DLG2: variants seen among roughly 807,000 people sequenced by gnomAD.
DLG2 encodes discs large MAGUK scaffold protein 2.
Under a neutral mutation model 132.5 loss-of-function variants are expected in DLG2, and 45 were observed. That is an observed-to-expected ratio of 0.34 (90% confidence interval 0.27 to 0.44). The LOEUF (loss-of-function observed/expected upper bound fraction) is 0.44. Among genes scored for constraint, DLG2 ranks in the 20% least tolerant of loss-of-function variants. The probability of loss-of-function intolerance (pLI) is 1.00; values close to 1 mark genes in which losing one functional copy is unlikely to be tolerated. For synonymous variants in DLG2, 424 were observed against 419.6 expected, an observed-to-expected ratio of 1.01 and a Z score of -0.13; for missense variants, 1,045 against 1,196.9, an observed-to-expected ratio of 0.87 and a Z score of 1.87.
At chr11:83,784,792 C>T (rs973775822) in intron 18 of DLG2, among the ~76,000 whole-genome samples, 8 of 152,112 alleles carry the variant, frequency 5.3e-5, no homozygotes, top group East Asian at 1.9e-4. Flanking sequence ...TGATCACTAT[C>T]GAGAGCTTCT....
At chr11:83,509,684 T>A (rs1336025760) in intron 21 of DLG2, among the ~76,000 whole-genome samples, 4 of 152,126 alleles carry the variant, frequency 2.6e-5, no homozygotes, top group Non-Finnish European at 4.4e-5. Context: ...TTGTAAGTAA[T>A]GGGTTATAGA....
chr11:84,143,817 G>A (rs922486080), intron 9 of DLG2, among the ~76,000 whole-genome samples: 7 of 152,114 alleles, frequency 4.6e-5, no homozygotes, highest in African/African-American at 1.7e-4. Context: ...GAGAAGCAGG[G>A]TTGAACTCAG....
intron 7 of DLG2, among the ~76,000 whole-genome samples, chr11:84,506,563 C>T (rs933656608): frequency 6.6e-6 from 1 of 152,114 alleles, no homozygotes; most frequent in Non-Finnish European, 1.5e-5. Flanking sequence ...GGCAAGGAAA[C>T]TGATTCTTCC....
At chr11:84,887,375 A>G (rs1769563258) in intron 6 of DLG2, 1 of 152,132 alleles carries the variant, frequency 6.6e-6, no homozygotes, top group African/African-American at 2.4e-5. Context: ...GCATGTATAG[A>G]TATTGGGAAG....
chr11:85,340,765 G>A (rs1392842068), intron 3 of DLG2, among the ~76,000 whole-genome samples: 1 of 152,104 alleles, frequency 6.6e-6, no homozygotes, highest in African/African-American at 2.4e-5. Flanking sequence ...TCATGCAATT[G>A]GTAGTCAAAT....
chr11:84,110,084 G>C (rs1234408561), intron 9 of DLG2, among the ~76,000 whole-genome samples: 2 of 152,060 alleles, frequency 1.3e-5, no homozygotes, highest in African/African-American at 2.4e-5. Context: ...TCTCATGCAA[G>C]GATGTGCTCA....
In DLG2 at chr11:84,538,119, G is replaced by A. The variant is rs1366213592; in HGVS notation, c.358-3388C>T. Among the ~76,000 whole-genome samples, 5 of 152,276 alleles carry A rather than the reference G, an allele frequency of 3.3e-5. No homozygotes were observed. The South Asian group carries it at 6.2e-4, about 19-fold the overall frequency. ...GTGCACAGATAAGCTACCATACCTC[G>A]TGATAAACTCAGTTCTGTGGGAGCA... On this transcript the variant is annotated intron_variant, in intron 6 of 27. Coordinates refer to ENST00000376104, the MANE Select transcript of DLG2 (RefSeq NM_001142699.3).
intron 6 of DLG2, among the ~76,000 whole-genome samples, chr11:84,723,081 T>C (rs1241678081): frequency 6.6e-6 from 1 of 152,232 alleles, no homozygotes; most frequent in Non-Finnish European, 1.5e-5. Context: ...ACAGAGCATC[T>C]ATAATTACGG....
chr11:85,018,361 G>T (rs1362105474), intron 6 of DLG2, among the ~76,000 whole-genome samples: 1 of 152,060 alleles, frequency 6.6e-6, no homozygotes, highest in Non-Finnish European at 1.5e-5. Flanking sequence ...ACCTGGAAGG[G>T]GGAAAAAACC....
chr11:84,136,745 T>C (rs554629987), intron 9 of DLG2, among the ~76,000 whole-genome samples: 2 of 152,294 alleles, frequency 1.3e-5, no homozygotes, highest in South Asian at 4.1e-4. Context: ...TCTGGAGAGC[T>C]CTACGTGGCA....
rs909734693 is a variant in DLG2 at position 85,408,893 on chromosome 11, G to A, written c.41-123528C>T. ...TGTCTTTATAGCAGCATGATTTATA[G>A]TCCTTTGGGTATATACCCAGTAATG... On this transcript the variant is annotated intron_variant, in intron 3 of 27. Transcript: ENST00000376104. Among the ~76,000 whole-genome samples, 6 of 151,672 alleles carry A rather than the reference G, an allele frequency of 4.0e-5. No individual in the cohort carries two copies. The East Asian group carries it at 7.8e-4, about 20-fold the overall frequency.
intron 7 of DLG2, among the ~76,000 whole-genome samples, chr11:84,510,104 T>C (rs1195389348): frequency 1.3e-5 from 2 of 149,880 alleles, no homozygotes; most frequent in African/African-American, 4.9e-5. Flanking sequence ...CTTATTATTA[T>C]TATTATTATT....
intron 18 of DLG2, among the ~76,000 whole-genome samples, chr11:83,768,274 T>A (rs1165679575): frequency 6.6e-6 from 1 of 152,234 alleles, no homozygotes; most frequent in African/African-American, 2.4e-5. Context: ...GAGCCAAATA[T>A]CTTGCTCCTT....
chr11:84,006,726 T>C (rs1042395018), intron 11 of DLG2, among the ~76,000 whole-genome samples: 6 of 151,674 alleles, frequency 4.0e-5, no homozygotes, highest in African/African-American at 1.4e-4. Context: ...CTTTTTATAA[T>C]AAAGCATCAT....
intron 21 of DLG2, among the ~76,000 whole-genome samples, chr11:83,505,956 A>G (rs1282781331): frequency 1.3e-5 from 2 of 152,174 alleles, no homozygotes; most frequent in Non-Finnish European, 1.5e-5. Flanking sequence ...AGTGGAGACC[A>G]TGGACATTTG....
At chr11:83,835,748 C>G (rs2055972738) in intron 16 of DLG2, among the ~76,000 whole-genome samples, 1 of 152,172 alleles carries the variant, frequency 6.6e-6, no homozygotes, top group Non-Finnish European at 1.5e-5. Flanking sequence ...CCTACCTATG[C>G]TGAAGTCAAG....
At chr11:84,374,731 C>A (rs2098722264) in intron 7 of DLG2, among the ~76,000 whole-genome samples, 1 of 152,098 alleles carries the variant, frequency 6.6e-6, no homozygotes, top group Non-Finnish European at 1.5e-5. Context: ...CTTCATTTTT[C>A]CCCCTCAAAC....
chr11:83,790,667 C>A lies in DLG2; in HGVS notation c.1723-3875G>T, dbSNP rs1411525729. 4.2e-6 allele frequency: 4 copies of A among 950,010 alleles called. No homozygotes were observed. The South Asian group carries it at 5.1e-5, about 12-fold the overall frequency. The allele number at this position is 950,010 out of a possible 1,614,324, so 58.8% of individuals were successfully genotyped here. A position where few individuals can be genotyped will look rare whatever the true frequency, so the allele number is the denominator to read the frequency against. On this transcript the variant is annotated intron_variant, in intron 17 of 27. Coordinates refer to ENST00000376104, the MANE Select transcript of DLG2 (RefSeq NM_001142699.3). ...ATGGTGAGAGTGGAGGGACATGATG[C>A]GGACCCACTCTGGGGCTCTGCAACA...
At chr11:85,077,884 C>A (rs1325356446) in intron 6 of DLG2, among the ~76,000 whole-genome samples, 1 of 151,990 alleles carries the variant, frequency 6.6e-6, no homozygotes, top group Non-Finnish European at 1.5e-5. Context: ...TTCAACAAAA[C>A]AGGGTTGTGC....
Sources: gnomAD v4.1 joint callset for allele counts (sites outside exome capture counted in the v4.1 genomes callset) on GRCh38, gnomAD v4.1.1 for gene constraint, MANE v1.5 for transcripts, NCBI Gene and HGNC (gene_info 2026-07-23, HGNC 2026-07-21) for gene names.